LRP1B: variants seen among roughly 807,000 people sequenced by gnomAD.
The protein encoded by LRP1B is low-density lipoprotein receptor-related protein 1B.
LRP1B carries 217 observed loss-of-function variants against 556.6 expected under a neutral mutation model. That is an observed-to-expected ratio of 0.39 (90% CI 0.35 to 0.44). The LOEUF is 0.44. LRP1B is among the 20% of genes least tolerant of loss of function. The probability of loss-of-function intolerance (pLI) is 1.00; values close to 1 mark genes in which losing one functional copy is unlikely to be tolerated. For synonymous variants in LRP1B, 2,047 were observed against 1,865.8 expected (o/e 1.10, Z -2.50); for missense variants, 5,053 against 5,620.8 (o/e 0.90, Z 3.23).
intron 5 of LRP1B, among the ~76,000 whole-genome samples, chr2:141,239,095 C>T (rs960900464): frequency 6.6e-6 from 1 of 151,912 alleles, no homozygotes; most frequent in African/African-American, 2.4e-5. Flanking sequence ...AAGGACTGAA[C>T]GCTGAATCAT....
At chr2:140,383,366 G>C (rs1383624871) in intron 67 of LRP1B, among the ~76,000 whole-genome samples, 1 of 151,672 alleles carries the variant, frequency 6.6e-6, no homozygotes, top group African/African-American at 2.4e-5. Context: ...TATCTTGATA[G>C]ATTTTAGTAC....
chr2:142,032,384 T>C (rs1385735544), intron 1 of LRP1B, among the ~76,000 whole-genome samples: 1 of 151,834 alleles, frequency 6.6e-6, no homozygotes, highest in Non-Finnish European at 1.5e-5. Flanking sequence ...CATCAATTTC[T>C]TAACCTGTGT....
At chr2:140,627,057 T>C (rs1683690052) in intron 41 of LRP1B, among the ~76,000 whole-genome samples, 1 of 152,174 alleles carries the variant, frequency 6.6e-6, no homozygotes, top group Non-Finnish European at 1.5e-5. Context: ...ATATGAAAAC[T>C]GAAGTCCTAG....
At chr2:141,584,910 G>A (rs1687083639) in intron 2 of LRP1B, among the ~76,000 whole-genome samples, 1 of 152,128 alleles carries the variant, frequency 6.6e-6, no homozygotes, top group Non-Finnish European at 1.5e-5. Context: ...GAGAGATGCG[G>A]AGTTGTTGTT....
chr2:141,895,113 C>T (rs1226105569), intron 1 of LRP1B, among the ~76,000 whole-genome samples: 1 of 148,288 alleles, frequency 6.7e-6, no homozygotes, highest in Non-Finnish European at 1.5e-5. Flanking sequence ...TTTGATCTAA[C>T]TAATTTGAAC....
chr2:140,915,615 G>T (rs1694551060), intron 21 of LRP1B, among the ~76,000 whole-genome samples: 1 of 151,378 alleles, frequency 6.6e-6, no homozygotes, highest in Admixed American at 6.6e-5. Context: ...TCGCACCACT[G>T]CACTCCTACC....
intron 41 of LRP1B, among the ~76,000 whole-genome samples, chr2:140,614,953 C>G (rs1683205807): frequency 6.6e-6 from 1 of 152,130 alleles, no homozygotes; most frequent in African/African-American, 2.4e-5. Context: ...ATAGGCCAAG[C>G]TATCTATGGG....
chr2:140,625,854 C>T (rs183994050), intron 41 of LRP1B, among the ~76,000 whole-genome samples: 22 of 152,240 alleles, frequency 1.4e-4, no homozygotes, highest in African/African-American at 5.3e-4. Flanking sequence ...ACCATATGAT[C>T]CAGCATTCAT....
intron 2 of LRP1B, among the ~76,000 whole-genome samples, chr2:141,621,050 T>C (rs1688490385): frequency 6.6e-6 from 1 of 152,168 alleles, no homozygotes; most frequent in Non-Finnish European, 1.5e-5. Flanking sequence ...TTTATTTACA[T>C]CAGCATTTGT....
intron 1 of LRP1B, among the ~76,000 whole-genome samples, chr2:142,126,921 A>T (rs1380030840): frequency 1.3e-5 from 2 of 151,870 alleles, no homozygotes; most frequent in Non-Finnish European, 2.9e-5. Context: ...GAAATTGACA[A>T]GGTAACTGGC....
At chr2:141,941,311 ATG>A (rs1198724880) in intron 1 of LRP1B, among the ~76,000 whole-genome samples, 1 of 152,234 alleles carries the variant, frequency 6.6e-6, no homozygotes, top group Non-Finnish European at 1.5e-5. Context: ...GTAGAATATT[ATG>A]TGTCATGTGT....
In LRP1B at chr2:140,274,570, A is replaced by C; in HGVS notation, c.12996T>G (p.Ser4332=). The C allele has an allele frequency of 6.2e-7, 1 of 1,612,438 alleles. No homozygotes were observed. Among genetic ancestry groups the C allele is most frequent in the Non-Finnish European group, 8.5e-7 (1 of 1,178,972 alleles). The change falls in exon 85 of 91, where the codon TCT becomes TCG. Residue 4332 remains serine, a synonymous_variant. Transcript: ENST00000389484. ...CATCATCCCCAATGGTACATGATTC[A>C]GAATTCACACAATAGTGGTGGCACA... ...YYVCHHYCVN[S]ESCTIGDDGS...
chr2:141,777,438 T>C (rs1003220355), intron 2 of LRP1B, among the ~76,000 whole-genome samples: 2 of 152,108 alleles, frequency 1.3e-5, no homozygotes, highest in African/African-American at 4.8e-5. Context: ...TTTTTTGAGA[T>C]GGAGTCTCAC....
chr2:141,905,764 G>T (rs2381171), intron 1 of LRP1B, among the ~76,000 whole-genome samples: 1 of 145,516 alleles, frequency 6.9e-6, no homozygotes, highest in African/African-American at 2.6e-5. Flanking sequence ...GGTTTGAATA[G>T]ATGTGTGTGT....
intron 1 of LRP1B, among the ~76,000 whole-genome samples, chr2:142,112,648 A>G (rs1028716417): frequency 7.9e-5 from 12 of 152,194 alleles, no homozygotes; most frequent in African/African-American, 2.6e-4. Context: ...CTTGACAATA[A>G]CATTTTTGAA....
intron 13 of LRP1B, among the ~76,000 whole-genome samples, chr2:141,014,596 T>C (rs1697850188): frequency 1.3e-5 from 2 of 152,078 alleles, no homozygotes; most frequent in African/African-American, 2.4e-5. Context: ...ATCTAAATAA[T>C]TTAGGGTCAT....
chr2:140,724,849 AC>A (rs1320462006), intron 35 of LRP1B, among the ~76,000 whole-genome samples: 5 of 152,246 alleles, frequency 3.3e-5, no homozygotes, highest in Middle Eastern at 3.4e-3. Context: ...ACAACTACCA[AC>A]TTTTACTTAG....
intron 3 of LRP1B, among the ~76,000 whole-genome samples, chr2:141,385,008 T>C (rs1280032413): frequency 2.6e-5 from 4 of 152,156 alleles, no homozygotes; most frequent in Non-Finnish European, 4.4e-5. Context: ...TAAACCCTTA[T>C]CCTGTGTCTT....
intron 29 of LRP1B, among the ~76,000 whole-genome samples, chr2:140,845,149 AAC>A (rs955861706): frequency 1.3e-5 from 2 of 152,128 alleles, no homozygotes; most frequent in Admixed American, 1.3e-4. Flanking sequence ...AACAAACAAA[AAC>A]ACACAAACAC....
Sources: gnomAD v4.1 joint callset for allele counts (sites outside exome capture counted in the v4.1 genomes callset) on GRCh38, gnomAD v4.1.1 for gene constraint, MANE v1.5 for transcripts, NCBI Gene and HGNC (gene_info 2026-07-23, HGNC 2026-07-21) for gene names.